Variants in CDC14B observed in about 807,000 individuals in gnomAD.
CDC14B encodes cell division cycle 14B.
Under a neutral mutation model 64.2 loss-of-function variants are expected in CDC14B, and 22 were observed. That is an observed-to-expected ratio of 0.34 (90% CI 0.24 to 0.49). The LOEUF is 0.49. CDC14B is among the 20% of genes least tolerant of loss of function. The probability of loss-of-function intolerance (pLI) is 0.99; values close to 1 mark genes in which losing one functional copy is unlikely to be tolerated. For missense variants in CDC14B, 498 were observed against 629.9 expected (o/e 0.79, Z 2.24); for synonymous variants, 191 against 215.8 (o/e 0.89, Z 1.01).
intron 1 of CDC14B, among the ~76,000 whole-genome samples, chr9:96,597,836 T>G (rs1846187033): frequency 6.6e-6 from 1 of 152,178 alleles, no homozygotes; most frequent in South Asian, 2.1e-4. Flanking sequence ...ATGATTATTT[T>G]GACAAAATTA....
Position 96,564,707 on chromosome 9 carries a change from T to G in CDC14B, c.327+70A>C, listed in dbSNP as rs575364512. ...ATGTCATTTCCTTTTTAAAAAGAGATGTTTTCCTTACTTTCGTCCCCCAGA... is the reference window on the plus strand; with the variant it reads ...ATGTCATTTCCTTTTTAAAAAGAGAGGTTTTCCTTACTTTCGTCCCCCAGA... On this transcript the variant is annotated intron_variant, in intron 3 of 13. Coordinates refer to ENST00000375241, the MANE Select transcript of CDC14B (RefSeq NM_033331.4). The G allele has an allele frequency of 7.8e-4, 671 of 860,840 alleles. 9 individuals are homozygous for G. In the South Asian group the frequency reaches 9.8e-3, roughly 13 times the overall value. 53.3% of individuals were successfully genotyped at this position (860,840 alleles called of 1,614,324 possible). A position where few individuals can be genotyped will look rare whatever the true frequency, so the allele number is the denominator to read the frequency against.
intron 5 of CDC14B, 36 bp downstream of exon 5, chr9:96,551,759 TG>T: frequency 6.3e-7 from 1 of 1,595,052 alleles, no homozygotes; most frequent in Non-Finnish European, 8.5e-7. Context: ...GGCAAGGATC[TG>T]ATTACCTGAA....
At chr9:96,524,361 C>T (rs1311581152) in intron 9 of CDC14B, among the ~76,000 whole-genome samples, 3 of 152,216 alleles carry the variant, frequency 2.0e-5, no homozygotes, top group Non-Finnish European at 4.4e-5. Context: ...CAATGATTCT[C>T]AGTAAGTGCA....
intron 1 of CDC14B, among the ~76,000 whole-genome samples, chr9:96,605,861 CA>C (rs1345048995): frequency 1.8e-4 from 26 of 145,362 alleles, no homozygotes; most frequent in East Asian, 6.1e-4. Context: ...AATTTTGCCT[CA>C]AAAAAAAAAT....
chr9:96,560,582 CTCT>C (rs1270252808), intron 4 of CDC14B, among the ~76,000 whole-genome samples: 8 of 127,658 alleles, frequency 6.3e-5, no homozygotes, highest in Non-Finnish European at 6.5e-5. Flanking sequence ...TTTTCTCTTT[CTCT>C]TTTTTTTTTT....
At chr9:96,536,061 C>T (rs1167303754) in intron 7 of CDC14B, among the ~76,000 whole-genome samples, 1 of 152,272 alleles carries the variant, frequency 6.6e-6, no homozygotes, top group East Asian at 1.9e-4. Context: ...ATTGCTGATG[C>T]CATTAATTAA....
chr9:96,613,301 CCA>C (rs757335845), intron 1 of CDC14B, among the ~76,000 whole-genome samples: 2 of 152,206 alleles, frequency 1.3e-5, no homozygotes, highest in African/African-American at 2.4e-5. Flanking sequence ...TCCTAAAAAT[CCA>C]CAGTGTGGTT....
downstream of CDC14B, among the ~76,000 whole-genome samples, chr9:96,499,258 A>G (rs1442016564): frequency 6.6e-6 from 1 of 152,122 alleles, no homozygotes; most frequent in East Asian, 1.9e-4. Flanking sequence ...GACACTTGTA[A>G]CCCAGTGTGA....
intron 9 of CDC14B, 90 bp from the exon 10 acceptor site, chr9:96,523,815 CAT>C: frequency 7.6e-7 from 1 of 1,312,898 alleles, no homozygotes; most frequent in South Asian, 1.4e-5. Context: ...AAAGGCTTCT[CAT>C]GACTCTGCTT....
intron 4 of CDC14B, among the ~76,000 whole-genome samples, chr9:96,553,461 C>A (rs578130571): frequency 1.5e-3 from 229 of 151,598 alleles, no homozygotes; most frequent in Non-Finnish European, 9.0e-4. Context: ...CAGGTTCAAG[C>A]AATTCTCCTG....
chr9:96,512,513 T>TG (rs1272347414), intron 12 of CDC14B, among the ~76,000 whole-genome samples: 1 of 151,854 alleles, frequency 6.6e-6, no homozygotes, highest in Non-Finnish European at 1.5e-5. Flanking sequence ...TTTATAGAGA[T>TG]GGGGTCTCGC....
chr9:96,543,120 A>C (rs1432694836), intron 5 of CDC14B, among the ~76,000 whole-genome samples: 1 of 152,190 alleles, frequency 6.6e-6, no homozygotes, highest in South Asian at 2.1e-4. Flanking sequence ...GTGGATCACA[A>C]GGTGAGGAGA....
At chr9:96,567,648 A>C (rs1216849253) in intron 1 of CDC14B, among the ~76,000 whole-genome samples, 1 of 152,220 alleles carries the variant, frequency 6.6e-6, no homozygotes, top group African/African-American at 2.4e-5. Context: ...TATTGTAGAG[A>C]TAGAGAGTAG....
chr9:96,557,591 C>A (rs1842655899), intron 4 of CDC14B, among the ~76,000 whole-genome samples: 1 of 152,196 alleles, frequency 6.6e-6, no homozygotes, highest in African/African-American at 2.4e-5. Context: ...GAGCTCTTAT[C>A]ATAACTGTAG....
At chr9:96,614,873 C>T (rs183372668) in intron 1 of CDC14B, among the ~76,000 whole-genome samples, 7 of 152,282 alleles carry the variant, frequency 4.6e-5, no homozygotes, top group Admixed American at 4.6e-4. Context: ...TGGAGTCTCA[C>T]TCTGTCACCC....
intron 12 of CDC14B, 28 bp from the exon 13 acceptor site, chr9:96,509,817 T>G: frequency 7.2e-7 from 1 of 1,379,596 alleles, no homozygotes; most frequent in Non-Finnish European, 1.0e-6. Flanking sequence ...AAAATAAGAT[T>G]ATATTCACTG....
At chr9:96,574,697 CA>C (rs57056796) in intron 1 of CDC14B, among the ~76,000 whole-genome samples, 88 of 49,962 alleles carry the variant, frequency 1.8e-3, no homozygotes, top group East Asian at 3.4e-3. Context: ...CTCGGTCTCA[CA>C]AAAAAAAAAA....
intron 9 of CDC14B, among the ~76,000 whole-genome samples, chr9:96,529,768 CAGGTGTTAAGCTA>C (rs1165903178): frequency 2.2e-5 from 3 of 134,868 alleles, no homozygotes; most frequent in African/African-American, 1.2e-4. Flanking sequence ...ACTGGGATTA[CAGGTGTTAAGCTA>C]CCATGCCCAG....
At chr9:96,566,896 G>T in intron 1 of CDC14B, 2 of 1,550,234 alleles carry the variant, frequency 1.3e-6, no homozygotes, top group Middle Eastern at 1.7e-4. Context: ...CCACACCCCC[G>T]AAGTTTAAAA....
Sources: allele counts gnomAD v4.1 joint callset (sites outside exome capture counted in the v4.1 genomes callset), GRCh38; gene constraint gnomAD v4.1.1; transcripts MANE v1.5; gene names NCBI Gene and HGNC (gene_info 2026-07-23, HGNC 2026-07-21).